Variants in TRIM40 observed in about 807,000 individuals in gnomAD.
The protein encoded by TRIM40 is E3 ubiquitin ligase TRIM40.
In TRIM40, 27 loss-of-function variants were observed where a neutral mutation model predicts 26.1. The ratio of observed to expected loss-of-function variants is 1.04; its 90% CI spans 0.76 to 1.43. The LOEUF is 1.43. Among genes scored for constraint, TRIM40 ranks in the 40% most tolerant of loss-of-function variants. The probability of loss-of-function intolerance (pLI) is 0.00; values close to 1 mark genes in which losing one functional copy is unlikely to be tolerated. For missense variants in TRIM40, 289 were observed against 307.9 expected (o/e 0.94, Z 0.46); for synonymous variants, 114 against 120.0 (o/e 0.95, Z 0.33).
chr6:30,141,286 G>T (rs9261486), intron 2 of TRIM40, among the ~76,000 whole-genome samples: 9 of 152,194 alleles, frequency 5.9e-5, no homozygotes, highest in Admixed American at 3.3e-4. Context: ...CTGTGATTGT[G>T]CCACTGCACT....
At position 30,136,854 on chromosome 6, in the gene TRIM40, C is replaced by G. The variant is rs1280361732; in HGVS notation, c.-183C>G. 1 of 610,652 alleles carries G rather than the reference C, an allele frequency of 1.6e-6. No homozygotes were observed. Among genetic ancestry groups the G allele is most frequent in the Non-Finnish European group, 2.9e-6 (1 of 348,060 alleles). The allele number at this position is 610,652 out of a possible 1,614,324, so 37.8% of individuals were successfully genotyped here. ...GGTTTGTGTGGTCTATGTCACGGCA[C>G]CCTTGAGGGAGAGTGGGCAATTGCC... On this transcript the variant is annotated 5_prime_UTR_variant, in exon 2 of 6. Transcript: ENST00000396581.
At chr6:30,138,548 A>G (rs939572203) in intron 2 of TRIM40, among the ~76,000 whole-genome samples, 3 of 152,178 alleles carry the variant, frequency 2.0e-5, no homozygotes, top group African/African-American at 7.2e-5. Context: ...ATGCTTGCCT[A>G]TAAGCCAAGG....
intron 2 of TRIM40, among the ~76,000 whole-genome samples, chr6:30,144,584 C>T (rs542446572): frequency 4.6e-5 from 7 of 152,278 alleles, no homozygotes; most frequent in African/African-American, 1.7e-4. Context: ...GGCAAAGAAG[C>T]AGTGGCAGAA....
intron 2 of TRIM40, among the ~76,000 whole-genome samples, chr6:30,139,203 G>A (rs115702813): frequency 0.011 from 1,687 of 151,992 alleles, 25 homozygotes; most frequent in African/African-American, 0.034. Context: ...TAAAAACTTA[G>A]TAAGTTCCTG....
rs1240675334 is a variant in TRIM40 at position 30,136,876 on chromosome 6, T to A, written c.-161T>A. Reference sequence around the variant, plus strand: ...GCACCCTTGAGGGAGAGTGGGCAATTGCCTGAACTTGGAGGCTGTGTCCTG... The same window carrying A: ...GCACCCTTGAGGGAGAGTGGGCAATAGCCTGAACTTGGAGGCTGTGTCCTG... On this transcript the variant is annotated 5_prime_UTR_variant, in exon 2 of 6. Coordinates refer to ENST00000396581, the MANE Select transcript of TRIM40 (RefSeq NM_001286633.2). The A allele has an allele frequency of 1.4e-5, 9 of 653,576 alleles. No homozygotes were observed. The highest frequency in any genetic ancestry group is 2.3e-5 in the Non-Finnish European group (9 of 385,724). The allele number at this position is 653,576 out of a possible 1,614,324, so 40.5% of individuals were successfully genotyped here.
chr6:30,143,616 G>A (rs1476979239), intron 2 of TRIM40, among the ~76,000 whole-genome samples: 4 of 151,906 alleles, frequency 2.6e-5, no homozygotes, highest in African/African-American at 9.7e-5. Flanking sequence ...GACAAGACAG[G>A]TCTTCGACTA....
At chr6:30,139,341 T>C (rs9261477) in intron 2 of TRIM40, among the ~76,000 whole-genome samples, 25,758 of 115,286 alleles carry the variant, frequency 0.22, 2,577 homozygotes, top group Non-Finnish European at 0.29. Flanking sequence ...TTTTTTTTCT[T>C]TTTTTTTTTT....
Position 30,146,009 on chromosome 6 carries a change from C to T in TRIM40, c.361C>T (p.Arg121Trp), listed in dbSNP as rs760838031. Residue 121 changes from arginine (R) to tryptophan (W), a missense_variant, in exon 3 of 6, where the codon CGG (arginine) becomes TGG (tryptophan). Arg to Trp is a moderately radical substitution (Grantham distance 101). Transcript: ENST00000396581. ...LSHYKERLNRRSRKLRKDIAE... is the reference protein window; with the variant it reads ...LSHYKERLNRWSRKLRKDIAE... Reference sequence around the variant, plus strand: ...GTCTCTTTAGGAACGACTCAATCGCCGGAGCAGGAAGCTCAGAAAGGACAT... The same window carrying T: ...GTCTCTTTAGGAACGACTCAATCGCTGGAGCAGGAAGCTCAGAAAGGACAT... 74 of 1,612,904 alleles carry T rather than the reference C, an allele frequency of 4.6e-5. No individual in the cohort carries two copies. Among genetic ancestry groups the T allele is most frequent in the South Asian group, 3.0e-4 (27 of 91,058 alleles).
intron 2 of TRIM40, among the ~76,000 whole-genome samples, chr6:30,141,671 G>A (rs1469527846): frequency 5.3e-5 from 8 of 152,208 alleles, no homozygotes; most frequent in African/African-American, 1.4e-4. Flanking sequence ...AAGAGAAGGT[G>A]TCTGCAAGCC....
Position 30,145,981 on chromosome 6 carries a change from T to C in TRIM40, c.346-13T>C. On this transcript the variant is annotated splice_polypyrimidine_tract_variant and intron_variant, in intron 2 of 5. Transcript: ENST00000396581. Reference sequence around the variant, plus strand: ...ACTCCCAGTCTGACAAGCAGGTGTGTCTGTCTCTTTAGGAACGACTCAATC... The same window carrying C: ...ACTCCCAGTCTGACAAGCAGGTGTGCCTGTCTCTTTAGGAACGACTCAATC... 6.2e-7 allele frequency: 1 copy of C among 1,611,614 alleles called. No homozygotes were observed. The highest frequency in any genetic ancestry group is 8.5e-7 in the Non-Finnish European group (1 of 1,178,820).
chr6:30,142,189 G>GA (rs1372144722), intron 2 of TRIM40, among the ~76,000 whole-genome samples: 1 of 151,952 alleles, frequency 6.6e-6, no homozygotes, highest in African/African-American at 2.4e-5. Context: ...TCTTTTAAAA[G>GA]AATCATATAA....
chr6:30,143,069 A>G (rs1771441651), intron 2 of TRIM40, among the ~76,000 whole-genome samples: 1 of 151,808 alleles, frequency 6.6e-6, no homozygotes, highest in African/African-American at 2.4e-5. Context: ...ATTGCATTAA[A>G]TTTGTTGATT....
At chr6:30,142,935 A>AAT (rs1771431975) in intron 2 of TRIM40, among the ~76,000 whole-genome samples, 1 of 151,990 alleles carries the variant, frequency 6.6e-6, no homozygotes, top group Admixed American at 6.6e-5. Flanking sequence ...GTTTATTTTT[A>AAT]AATCTAGCAG....
chr6:30,137,528 T>C (rs1429882667), intron 2 of TRIM40, 147 bp downstream of exon 2: 2 of 702,986 alleles, frequency 2.8e-6, no homozygotes, highest in Non-Finnish European at 4.7e-6. Flanking sequence ...TGGACCCTTG[T>C]CTTGCTTTTC....
chr6:30,148,149 T>G lies in TRIM40; in HGVS notation c.*337T>G. On this transcript the variant is annotated 3_prime_UTR_variant, in exon 6 of 6. Coordinates refer to ENST00000396581, the MANE Select transcript of TRIM40 (RefSeq NM_001286633.2). ...TCACAATCTCATTCAAATAGGATCC[T>G]CCAGGCCTCTGAATGGCCCGAGCTC... 1.8e-4 allele frequency: 67 copies of G among 379,814 alleles called. No individual in the cohort carries two copies. The highest frequency in any genetic ancestry group is 1.9e-4 in the East Asian group (4 of 21,548). The allele number at this position is 379,814 out of a possible 1,614,324, so 23.5% of individuals were successfully genotyped here. A position where few individuals can be genotyped will look rare whatever the true frequency, so the allele number is the denominator to read the frequency against.
At chr6:30,137,443 T>C in intron 2 of TRIM40, 62 bp downstream of exon 2, 6 of 1,412,816 alleles carry the variant, frequency 4.2e-6, no homozygotes, top group African/African-American at 1.4e-5. Context: ...GCATCCTACA[T>C]GTTCATCATG....
In TRIM40 at chr6:30,147,138, G is replaced by T. The variant is rs1445002182; in HGVS notation, c.595G>T (p.Val199Leu). The change falls in exon 4 of 6, where the codon GTA (valine) becomes TTA (leucine). Residue 199 changes from valine (V) to leucine (L), a missense_variant. Transcript: ENST00000396581. ...CAGAATCCTTGACATCTCCAGGGCA[G>T]TAACACAGCTCAGAAGCCTGGTCAT... Reference protein sequence around the residue: ...AARILDISRAVTQLRSLVIDL... With the variant: ...AARILDISRALTQLRSLVIDL... 1 of 1,614,246 alleles carries T rather than the reference G, an allele frequency of 6.2e-7. No homozygotes were observed. The highest frequency in any genetic ancestry group is 8.5e-7 in the Non-Finnish European group (1 of 1,180,052).
intron 2 of TRIM40, among the ~76,000 whole-genome samples, chr6:30,143,057 T>C (rs1355076866): frequency 1.3e-5 from 2 of 152,212 alleles, no homozygotes; most frequent in African/African-American, 4.8e-5. Flanking sequence ...ATTTTAATGG[T>C]TATTGCATTA....
At position 30,146,082 on chromosome 6, in the gene TRIM40, C is replaced by T; in HGVS notation, c.434C>T (p.Ala145Val). The T allele has an allele frequency of 6.2e-7, 1 of 1,612,688 alleles. No individual in the cohort carries two copies. Among genetic ancestry groups the T allele is most frequent in the East Asian group, 2.2e-5 (1 of 44,872 alleles). ...LKAQQEKKLQ[A>V]LQFQVDHGNH... ...GCTCAGCAGGAGAAGAAACTGCAGGCTCTGCAGGTGGGTTTTTCGGGTTCC... is the reference window on the plus strand; with the variant it reads ...GCTCAGCAGGAGAAGAAACTGCAGGTTCTGCAGGTGGGTTTTTCGGGTTCC... Residue 145 changes from alanine to valine, a missense_variant, in exon 3 of 6, where the codon GCT (alanine) becomes GTT (valine). Ala to Val is a moderately conservative substitution (Grantham distance 64). Coordinates refer to ENST00000396581, the MANE Select transcript of TRIM40 (RefSeq NM_001286633.2).
Sources: allele counts gnomAD v4.1 joint callset (sites outside exome capture counted in the v4.1 genomes callset), GRCh38; gene constraint gnomAD v4.1.1; transcripts MANE v1.5; gene names NCBI Gene and HGNC (gene_info 2026-07-23, HGNC 2026-07-21).